RTL4: variants seen among roughly 807,000 people sequenced by gnomAD.
RTL4 encodes retrotransposon Gag like 4, also known as retrotransposon Gag-like protein 4.
A neutral mutation model predicts 5.3 loss-of-function variants in RTL4; 4 were observed. The ratio of observed to expected loss-of-function variants is 0.75; its 90% CI spans 0.37 to 1.72. The LOEUF (loss-of-function observed/expected upper bound fraction) is 1.72, where lower values mean the gene tolerates loss of function less well. RTL4 is among the 40% of genes most tolerant of loss of function. The pLI, the probability that RTL4 is intolerant of heterozygous loss-of-function variation, is 0.04. For missense variants in RTL4, 260 were observed against 227.1 expected (o/e 1.14, Z -0.93); for synonymous variants, 98 against 87.3 (o/e 1.12, Z -0.68).
the RTL4 span, among the ~76,000 whole-genome samples, chrX:112,416,933 A>G: frequency 8.9e-6 from 1 of 111,967 alleles, no homozygotes; most frequent in African/African-American, 3.2e-5. Flanking sequence ...ATACAAATAC[A>G]GCCCTTAGAA....
the RTL4 span, among the ~76,000 whole-genome samples, chrX:112,390,963 T>C: frequency 2.9e-4 from 33 of 112,266 alleles, no homozygotes; most frequent in Non-Finnish European, 6.0e-4. Flanking sequence ...CAATGATTTG[T>C]ATATTTGGCC....
At chrX:112,303,980 C>T in the RTL4 span, among the ~76,000 whole-genome samples, 1 of 110,704 alleles carries the variant, frequency 9.0e-6, no homozygotes, top group East Asian at 2.8e-4. Context: ...CCACAAACTA[C>T]TGTCTCGAAG....
the RTL4 span, among the ~76,000 whole-genome samples, chrX:112,253,036 A>G: frequency 3.6e-5 from 4 of 111,621 alleles, no homozygotes; most frequent in Admixed American, 3.8e-4. Flanking sequence ...GATACTTGCT[A>G]TAGAGTAATA....
the RTL4 span, among the ~76,000 whole-genome samples, chrX:112,280,792 G>A: frequency 9.0e-6 from 1 of 111,264 alleles, no homozygotes; most frequent in African/African-American, 3.3e-5. Context: ...ACCAAACCCG[G>A]CCCTAAAATG....
At chrX:112,381,818 C>T in the RTL4 span, 1 of 1,209,033 alleles carries the variant, frequency 8.3e-7, no homozygotes, top group South Asian at 1.8e-5. Flanking sequence ...ACGGGAAGTA[C>T]AGGCTCAGCT....
the RTL4 span, among the ~76,000 whole-genome samples, chrX:112,113,055 C>T: frequency 8.9e-6 from 1 of 111,806 alleles, no homozygotes; most frequent in Non-Finnish European, 1.9e-5. Flanking sequence ...TGGGGTGTTG[C>T]AGGGACTGCT....
upstream of RTL4, among the ~76,000 whole-genome samples, chrX:112,451,193 A>G (rs1212783719): frequency 1.8e-5 from 2 of 112,051 alleles, no homozygotes; most frequent in Non-Finnish European, 3.8e-5. Flanking sequence ...ATAATAGCTA[A>G]CATTTATGGA....
chrX:112,135,887 A>G, the RTL4 span, among the ~76,000 whole-genome samples: 1 of 104,570 alleles, frequency 9.6e-6, no homozygotes, highest in Admixed American at 1.0e-4. Flanking sequence ...ACATACATAT[A>G]ATACATACAT....
the RTL4 span, among the ~76,000 whole-genome samples, chrX:112,361,136 C>T: frequency 1.8e-5 from 2 of 110,887 alleles, no homozygotes; most frequent in African/African-American, 3.3e-5. Flanking sequence ...CCAAAATTTG[C>T]CTGAGAAGTT....
the RTL4 span, among the ~76,000 whole-genome samples, chrX:112,143,691 T>C: frequency 5.4e-5 from 6 of 111,678 alleles, no homozygotes; most frequent in South Asian, 2.2e-3. Flanking sequence ...TGGTAAGAGG[T>C]CCACCTACTA....
the RTL4 span, among the ~76,000 whole-genome samples, chrX:112,301,713 C>G: frequency 9.0e-6 from 1 of 110,572 alleles, no homozygotes; most frequent in African/African-American, 3.3e-5. Flanking sequence ...CAGTAACACA[C>G]ACACTTTGGG....
chrX:112,159,226 T>C, the RTL4 span, among the ~76,000 whole-genome samples: 1 of 112,498 alleles, frequency 8.9e-6, no homozygotes, highest in Non-Finnish European at 1.9e-5. Context: ...AACAGAGGTA[T>C]AAAGTGGTTT....
At chrX:112,457,368 C>T (rs900344818), downstream of RTL4, among the ~76,000 whole-genome samples, 6 of 111,933 alleles carry the variant, frequency 5.4e-5, no homozygotes, top group African/African-American at 2.0e-4. Context: ...TTAACATATT[C>T]CAGTTATGCT....
At chrX:112,317,041 C>T in the RTL4 span, among the ~76,000 whole-genome samples, 1 of 111,577 alleles carries the variant, frequency 9.0e-6, no homozygotes, top group Non-Finnish European at 1.9e-5. Context: ...CTCTTTTTTG[C>T]GGACGGTGGG....
the RTL4 span, among the ~76,000 whole-genome samples, chrX:112,112,649 T>G: frequency 8.9e-6 from 1 of 111,788 alleles, no homozygotes; most frequent in Non-Finnish European, 1.9e-5. Flanking sequence ...CCTGCCAGCA[T>G]AAGGCTTCCA....
At chrX:112,152,753 A>G in the RTL4 span, among the ~76,000 whole-genome samples, 1 of 112,237 alleles carries the variant, frequency 8.9e-6, no homozygotes, top group African/African-American at 3.2e-5. Flanking sequence ...GCTAGGCTTA[A>G]TAAACGTAAG....
At chrX:112,245,763 G>A in the RTL4 span, among the ~76,000 whole-genome samples, 4 of 112,292 alleles carry the variant, frequency 3.6e-5, no homozygotes, top group Non-Finnish European at 7.5e-5. Flanking sequence ...CAATCCTTTG[G>A]AAGAGAAGAG....
the RTL4 span, among the ~76,000 whole-genome samples, chrX:112,194,062 A>G: frequency 2.7e-4 from 30 of 112,052 alleles, no homozygotes; most frequent in Admixed American, 2.5e-3. Flanking sequence ...TGATCCTGTG[A>G]GGGTCCACTC....
chrX:112,123,253 A>T, the RTL4 span, among the ~76,000 whole-genome samples: 9 of 112,266 alleles, frequency 8.0e-5, no homozygotes, highest in East Asian at 2.2e-3. Flanking sequence ...TCAACATCTA[A>T]CTTACTGGCA....
Sources: allele counts gnomAD v4.1 joint callset (sites outside exome capture counted in the v4.1 genomes callset), GRCh38; gene constraint gnomAD v4.1.1; transcripts MANE v1.5; gene names NCBI Gene and HGNC (gene_info 2026-07-23, HGNC 2026-07-21).